The following LRP1B variants were observed in gnomAD, a reference collection of about 807,000 sequenced individuals.
LRP1B encodes low-density lipoprotein receptor-related protein 1B.
In LRP1B, 217 loss-of-function variants were observed where a neutral mutation model predicts 556.6. That is an observed-to-expected ratio of 0.39 (90% CI 0.35 to 0.44). The LOEUF is 0.44. Ranked by LOEUF, LRP1B falls within the 20% of genes least tolerant of loss-of-function variation. LRP1B has a pLI of 1.00. For synonymous variants in LRP1B, 2,047 were observed against 1,865.8 expected, an observed-to-expected ratio of 1.10 and a Z score of -2.50; for missense variants, 5,053 against 5,620.8, an observed-to-expected ratio of 0.90 and a Z score of 3.23.
intron 2 of LRP1B, among the ~76,000 whole-genome samples, chr2:141,524,450 G>A (rs958370042): frequency 1.5e-4 from 23 of 152,044 alleles, no homozygotes; most frequent in African/African-American, 5.3e-4. Flanking sequence ...GGTCTATCTA[G>A]GTCAAGCTTG....
intron 3 of LRP1B, among the ~76,000 whole-genome samples, chr2:141,471,800 G>C (rs1398464929): frequency 6.6e-6 from 1 of 152,062 alleles, no homozygotes; most frequent in Non-Finnish European, 1.5e-5. Context: ...ATTGAATTTT[G>C]GAAAAGTCCT....
At position 140,534,136 on chromosome 2, in the gene LRP1B, G is replaced by C. The variant is rs2104995277; in HGVS notation, c.7647C>G (p.Asn2549Lys). 6.2e-7 allele frequency: 1 copy of C among 1,610,090 alleles called. No homozygotes were observed. The highest frequency in any genetic ancestry group is 8.5e-7 in the Non-Finnish European group (1 of 1,178,272). ...GCTTGAAGCCTCTTCGACAGCTTCTGTTTTCTTATAAATAAAAGTAGAAAC... is the reference window on the plus strand; with the variant it reads ...GCTTGAAGCCTCTTCGACAGCTTCTCTTTTCTTATAAATAAAAGTAGAAAC... ...KSDEKLLYCE[N>K]RSCRRGFKPC... The change falls in exon 47 of 91, where the codon AAC becomes AAG. Residue 2549 changes from asparagine (N) to lysine (K), a missense_variant. Asn to Lys is a moderately conservative substitution (Grantham distance 94). Around this residue, in one of 5 missense-constraint regions of LRP1B, gnomAD observed 3,619 missense variants for 3,931.9 expected, o/e 0.92. Transcript: ENST00000389484.
At chr2:140,370,936 A>C in intron 70 of LRP1B, 94 bp from the exon 71 acceptor site, 1 of 1,314,578 alleles carries the variant, frequency 7.6e-7, no homozygotes, top group South Asian at 1.3e-5. Flanking sequence ...CTAGAGCTTT[A>C]TTATACCATG....
intron 68 of LRP1B, among the ~76,000 whole-genome samples, chr2:140,377,307 C>T (rs1027800095): frequency 6.6e-6 from 1 of 152,134 alleles, no homozygotes; most frequent in Admixed American, 6.5e-5. Context: ...GTCCTCCTGA[C>T]CTCGTGATCC....
At chr2:140,456,948 CAAT>C (rs1371636070) in intron 61 of LRP1B, among the ~76,000 whole-genome samples, 1 of 152,022 alleles carries the variant, frequency 6.6e-6, no homozygotes, top group African/African-American at 2.4e-5. Flanking sequence ...AACAATGAAA[CAAT>C]GATCTACAAC....
intron 41 of LRP1B, among the ~76,000 whole-genome samples, chr2:140,644,455 G>A (rs1273298611): frequency 1.3e-5 from 2 of 149,040 alleles, no homozygotes; most frequent in Non-Finnish European, 3.0e-5. Context: ...GCCAGAGGGA[G>A]TGGCACTATG....
At chr2:141,290,115 C>A (rs986012776) in intron 3 of LRP1B, among the ~76,000 whole-genome samples, 7 of 152,082 alleles carry the variant, frequency 4.6e-5, no homozygotes, top group African/African-American at 1.7e-4. Context: ...ATTCAATACA[C>A]CTCTCCCTCC....
chr2:140,512,675 C>T (rs1385525102), intron 51 of LRP1B, among the ~76,000 whole-genome samples: 1 of 151,984 alleles, frequency 6.6e-6, no homozygotes, highest in African/African-American at 2.4e-5. Flanking sequence ...CAAAATGGGA[C>T]CCTTAATATT....
At chr2:141,105,571 A>G (rs1246749201) in intron 7 of LRP1B, among the ~76,000 whole-genome samples, 1 of 152,176 alleles carries the variant, frequency 6.6e-6, no homozygotes, top group Non-Finnish European at 1.5e-5. Flanking sequence ...TGTTCAAAAA[A>G]GCTGAGGAAG....
At chr2:141,227,574 C>A (rs755907788) in intron 6 of LRP1B, among the ~76,000 whole-genome samples, 1 of 152,004 alleles carries the variant, frequency 6.6e-6, no homozygotes, top group African/African-American at 2.4e-5. Context: ...AAATATCCAC[C>A]GCTTTCATTA....
chr2:140,519,397 T>C (rs1210876937), intron 49 of LRP1B, among the ~76,000 whole-genome samples: 1 of 152,182 alleles, frequency 6.6e-6, no homozygotes, highest in Admixed American at 6.5e-5. Flanking sequence ...CTGGGAAAAT[T>C]GGCTAGCCAT....
intron 81 of LRP1B, 27 bp downstream of exon 81, chr2:140,323,866 G>T (rs755748439): frequency 8.7e-7 from 1 of 1,151,020 alleles, no homozygotes; most frequent in South Asian, 1.6e-5. Context: ...TACCAATATA[G>T]ACAACTTCAT....
At chr2:141,713,982 C>A (rs1486345068) in intron 2 of LRP1B, among the ~76,000 whole-genome samples, 2 of 152,118 alleles carry the variant, frequency 1.3e-5, no homozygotes, top group African/African-American at 4.8e-5. Context: ...GATTTGCTGT[C>A]TTTTACACTG....
At chr2:140,596,858 G>A (rs1435083525) in intron 43 of LRP1B, among the ~76,000 whole-genome samples, 1 of 151,936 alleles carries the variant, frequency 6.6e-6, no homozygotes, top group Non-Finnish European at 1.5e-5. Flanking sequence ...CCACGGGGAG[G>A]GCTATAAAAA....
chr2:140,420,988 T>C (rs1006213461), intron 66 of LRP1B, among the ~76,000 whole-genome samples: 2 of 152,144 alleles, frequency 1.3e-5, no homozygotes, highest in African/African-American at 2.4e-5. Context: ...GGGCACAGTG[T>C]CTCACACCTG....
At chr2:141,888,583 G>A (rs976270132) in intron 1 of LRP1B, among the ~76,000 whole-genome samples, 1 of 152,036 alleles carries the variant, frequency 6.6e-6, no homozygotes, top group Non-Finnish European at 1.5e-5. Context: ...CTGATAATAG[G>A]GGAAAATATG....
At chr2:141,168,328 A>AAGTG (rs1446747608) in intron 7 of LRP1B, among the ~76,000 whole-genome samples, 1 of 152,070 alleles carries the variant, frequency 6.6e-6, no homozygotes, top group African/African-American at 2.4e-5. Flanking sequence ...ATCTGCCTGA[A>AAGTG]AGTGAAGCAG....
chr2:141,473,103 T>C (rs953668747), intron 3 of LRP1B, among the ~76,000 whole-genome samples: 1 of 152,174 alleles, frequency 6.6e-6, no homozygotes, highest in Non-Finnish European at 1.5e-5. Context: ...ATTCTAAGTC[T>C]CTTTAGCAGT....
intron 35 of LRP1B, among the ~76,000 whole-genome samples, chr2:140,728,559 A>G (rs1485887144): frequency 6.6e-6 from 1 of 152,198 alleles, no homozygotes; most frequent in South Asian, 2.1e-4. Flanking sequence ...TTCAGTAAGA[A>G]AAAAGCAGAA....
Sources: gnomAD v4.1 joint callset for allele counts (sites outside exome capture counted in the v4.1 genomes callset) on GRCh38, gnomAD v4.1.1 for gene constraint, gnomAD v4.1.1 regional missense constraint, MANE v1.5 for transcripts, NCBI Gene and HGNC (gene_info 2026-07-23, HGNC 2026-07-21) for gene names.